Variants in SNCB observed in about 807,000 individuals in gnomAD.
SNCB encodes synuclein beta.
In SNCB, 8 loss-of-function variants were observed where a neutral mutation model predicts 20.0. The ratio of observed to expected loss-of-function variants is 0.40; its 90% CI spans 0.24 to 0.72. SNCB has a LOEUF of 0.72. Among genes scored for constraint, SNCB ranks in the 30% least tolerant of loss-of-function variants. SNCB has a pLI of 0.37. For missense variants in SNCB, 125 were observed against 168.0 expected (o/e 0.74, Z 1.41); for synonymous variants, 56 against 65.4 (o/e 0.86, Z 0.69).
intron 4 of SNCB, among the ~76,000 whole-genome samples, chr5:176,623,873 G>GGTA (rs1241395670): frequency 1.3e-5 from 2 of 152,102 alleles, no homozygotes; most frequent in African/African-American, 2.4e-5. Context: ...CTGGCCACCT[G>GGTA]GTAGCTACCT....
At position 176,626,876 on chromosome 5, in the gene SNCB, C is replaced by T; in HGVS notation, c.122-115G>A. 3 of 1,064,916 alleles carry T rather than the reference C, an allele frequency of 2.8e-6. No homozygotes were observed. Among genetic ancestry groups the T allele is most frequent in the Non-Finnish European group, 4.4e-6 (3 of 686,280 alleles). 66.0% of individuals were successfully genotyped at this position (1,064,916 alleles called of 1,614,324 possible). A position where few individuals can be genotyped will look rare whatever the true frequency, so the allele number is the denominator to read the frequency against. On this transcript the variant is annotated intron_variant, in intron 2 of 5. Coordinates refer to ENST00000393693, the MANE Select transcript of SNCB (RefSeq NM_003085.5). The surrounding 1 kb of genome is among the most constrained non-coding windows in gnomAD (Gnocchi z 4.2). ...TGGCCCCGTCACTGCCTCCTTGGGT[C>T]CCCACATCCTACAACCTGCACCCCC... is the stretch of plus-strand genomic sequence containing the variant.
Position 176,626,845 on chromosome 5 carries a change from G to T in SNCB, c.122-84C>A. On this transcript the variant is annotated intron_variant, in intron 2 of 5. Transcript: ENST00000393693. The surrounding 1 kb of genome is among the most constrained non-coding windows in gnomAD (Gnocchi z 4.2). The stretch of plus-strand genomic sequence containing the variant: ...GCACAGCATGGTGATTACAGAGTGG[G>T]CATCCTGGCCCCGTCACTGCCTCCT... 1 of 1,468,288 alleles carries T rather than the reference G, an allele frequency of 6.8e-7. No homozygotes were observed. Among genetic ancestry groups the T allele is most frequent in the Non-Finnish European group, 9.5e-7 (1 of 1,048,134 alleles). The allele number at this position is 1,468,288 out of a possible 1,614,324, so 91.0% of individuals were successfully genotyped here.
At position 176,626,335 on chromosome 5, in the gene SNCB, GGTGTGTGT is replaced by G. The variant is rs5873543; in HGVS notation, c.282+55_282+62del. On this transcript the variant is annotated intron_variant, in intron 4 of 5. Coordinates refer to ENST00000393693, the MANE Select transcript of SNCB (RefSeq NM_003085.5). This position sits in a 1 kb window ranked among gnomAD's most constrained non-coding sequence, Gnocchi z 4.2. ...TGGTGACAGGTTTATTTGTGTGCCT[GGTGTGTGT>G]GTGTGTGTGTGTGTGTGTGTTTGCC... 424 of 861,488 alleles carry G rather than the reference GGTGTGTGT, an allele frequency of 4.9e-4. No homozygotes were observed. Among genetic ancestry groups the G allele is most frequent in the South Asian group, 9.3e-4 (70 of 75,364 alleles). 53.4% of individuals were successfully genotyped at this position (861,488 alleles called of 1,614,324 possible).
At chr5:176,625,472 C>A (rs183611615) in intron 4 of SNCB, among the ~76,000 whole-genome samples, 1 of 152,180 alleles carries the variant, frequency 6.6e-6, no homozygotes, top group South Asian at 2.1e-4. Flanking sequence ...TGTGTTCACT[C>A]GCATTTTACA....
intron 4 of SNCB, among the ~76,000 whole-genome samples, chr5:176,625,756 G>A (rs1366999112): frequency 1.3e-5 from 2 of 152,136 alleles, no homozygotes; most frequent in African/African-American, 2.4e-5. Context: ...CAGGGCCTTG[G>A]TACTTGCTGT....
chr5:176,626,671 A>T lies in SNCB; in HGVS notation c.163+49T>A, dbSNP rs1170789298. 1 of 1,606,958 alleles carries T rather than the reference A, an allele frequency of 6.2e-7. No homozygotes were observed. Among genetic ancestry groups the T allele is most frequent in the African/African-American group, 1.3e-5 (1 of 74,562 alleles). ...CCCCCGCCCTCTGGTTCCCGGCCAG[A>T]TCATCCGCCTAAGTGAGAGAAGGGC... On this transcript the variant is annotated intron_variant, in intron 3 of 5. Transcript: ENST00000393693. This position sits in a 1 kb window ranked among gnomAD's most constrained non-coding sequence, Gnocchi z 4.2.
At chr5:176,624,757 G>A (rs1433720588) in intron 4 of SNCB, among the ~76,000 whole-genome samples, 4 of 145,604 alleles carry the variant, frequency 2.7e-5, no homozygotes, top group Non-Finnish European at 5.9e-5. Flanking sequence ...AGCCAAGATC[G>A]TGCCATTGCA....
rs1238915988 is a variant in SNCB, at chr5:176,621,215, T to G, written c.371A>C (p.Gln124Pro). 2 of 1,611,144 alleles carry G rather than the reference T, an allele frequency of 1.2e-6. No individual in the cohort carries two copies. The highest frequency in any genetic ancestry group is 2.7e-5 in the African/African-American group (2 of 74,876). ...PEGESYEDPP[Q>P]EEYQEYEPEA ...CGCCCAGCCCTGCTGCCCCCTCACC[T>G]GGGGTGGGTCCTCATAACTCTCCCC... The change falls in exon 5 of 6, where the codon CAG (glutamine) becomes CCG (proline). Residue 124 changes from glutamine to proline, a missense_variant and splice_region_variant. Transcript: ENST00000393693. This position sits in a 1 kb window ranked among gnomAD's most constrained non-coding sequence, Gnocchi z 4.1.
At position 176,620,943 on chromosome 5, in the gene SNCB, G is replaced by T. The variant is rs1263523111; in HGVS notation, c.373-100C>A. 1 of 1,042,954 alleles carries T rather than the reference G, an allele frequency of 9.6e-7. No individual in the cohort carries two copies. Among genetic ancestry groups the T allele is most frequent in the African/African-American group, 1.6e-5 (1 of 63,762 alleles). 64.6% of individuals were successfully genotyped at this position (1,042,954 alleles called of 1,614,324 possible). ...CGGCCCAAGAACCCTCTCCCTGAAG[G>T]AGGAATAGCACATTCCCCTTTTCCT... On this transcript the variant is annotated intron_variant, in intron 5 of 5. Transcript: ENST00000393693. The surrounding 1 kb of genome is among the most constrained non-coding windows in gnomAD (Gnocchi z 4.5).
intron 2 of SNCB, among the ~76,000 whole-genome samples, chr5:176,628,356 G>A (rs6869709): frequency 0.014 from 2,078 of 152,206 alleles, 64 homozygotes; most frequent in African/African-American, 0.047. Context: ...CCTTCTCCCG[G>A]TCTCCATTGC....
At chr5:176,624,802 C>CAAAAAAAAAAAAAAAAAAAAAAAAAAAA (rs1282224621) in intron 4 of SNCB, among the ~76,000 whole-genome samples, 1 of 50,932 alleles carries the variant, frequency 2.0e-5, no homozygotes, top group Non-Finnish European at 4.5e-5. Context: ...AACTCCGTCT[C>CAAAAAAAAAAAAAAAAAAAAAAAAAAAA]AAAAAAAAAA....
chr5:176,623,988 A>G (rs1759774152), intron 4 of SNCB, among the ~76,000 whole-genome samples: 1 of 152,224 alleles, frequency 6.6e-6, no homozygotes, highest in Non-Finnish European at 1.5e-5. Flanking sequence ...CGAAGCAGAG[A>G]GTCTCAGAAA....
Position 176,620,977 on chromosome 5 carries a change from G to A in SNCB, c.373-134C>T, listed in dbSNP as rs1759549660. On this transcript the variant is annotated intron_variant, in intron 5 of 5. Coordinates refer to ENST00000393693, the MANE Select transcript of SNCB (RefSeq NM_003085.5). The surrounding 1 kb of genome is among the most constrained non-coding windows in gnomAD (Gnocchi z 4.5). ...CACATTCCCCTTTTCCTGGGCAGGG[G>A]AGGAGCCTGGAAGTTGGGGACAACA... 2.3e-6 allele frequency: 2 copies of A among 860,718 alleles called. No homozygotes were observed. The highest frequency in any genetic ancestry group is 2.8e-5 in the South Asian group (2 of 70,578). 53.3% of individuals were successfully genotyped at this position (860,718 alleles called of 1,614,324 possible).
At chr5:176,622,690 G>A (rs1185936422) in intron 4 of SNCB, among the ~76,000 whole-genome samples, 1 of 150,830 alleles carries the variant, frequency 6.6e-6, no homozygotes, top group Non-Finnish European at 1.5e-5. Flanking sequence ...GATGAATGGA[G>A]GAAGCCAGAT....
Position 176,629,370 on chromosome 5 carries a change from G to A in SNCB, c.121+164C>T, listed in dbSNP as rs1760184414. On this transcript the variant is annotated intron_variant, in intron 2 of 5. Transcript: ENST00000393693. The surrounding 1 kb of genome is among the most constrained non-coding windows in gnomAD (Gnocchi z 4.1). ...TCCCCATTTCCGGATACAGACCCAGGCTTCTATGGGCTGGCTATGTCCCCT... is the reference window on the plus strand; with the variant it reads ...TCCCCATTTCCGGATACAGACCCAGACTTCTATGGGCTGGCTATGTCCCCT... 1 of 722,348 alleles carries A rather than the reference G, an allele frequency of 1.4e-6. No homozygotes were observed. Among genetic ancestry groups the A allele is most frequent in the East Asian group, 2.8e-5 (1 of 36,340 alleles). The allele number at this position is 722,348 out of a possible 1,614,324, so 44.7% of individuals were successfully genotyped here.
At chr5:176,627,236 G>A (rs1371468643) in intron 2 of SNCB, among the ~76,000 whole-genome samples, 4 of 152,232 alleles carry the variant, frequency 2.6e-5, no homozygotes, top group African/African-American at 9.6e-5. Flanking sequence ...GAGGCAGGTG[G>A]GGGTGGGAGT....
chr5:176,624,051 T>G (rs1165176931), intron 4 of SNCB, among the ~76,000 whole-genome samples: 1 of 152,228 alleles, frequency 6.6e-6, no homozygotes, highest in Admixed American at 6.5e-5. Flanking sequence ...CCCAAGGGGC[T>G]GTTGTCTGTG....
chr5:176,623,610 G>C (rs1581168785), intron 4 of SNCB, among the ~76,000 whole-genome samples: 1 of 152,276 alleles, frequency 6.6e-6, no homozygotes, highest in South Asian at 2.1e-4. Flanking sequence ...GTGGGGTCCT[G>C]GGGGGTAGTG....
chr5:176,629,794 T>G lies in SNCB; in HGVS notation c.-9-131A>C. The G allele has an allele frequency of 7.7e-7, 1 of 1,295,096 alleles. No homozygotes were observed. Among genetic ancestry groups the G allele is most frequent in the Non-Finnish European group, 1.0e-6 (1 of 962,542 alleles). The allele number at this position is 1,295,096 out of a possible 1,614,324, so 80.2% of individuals were successfully genotyped here. A position where few individuals can be genotyped will look rare whatever the true frequency, so the allele number is the denominator to read the frequency against. ...TCTGGACCCTGAGCCCCCTCCCGCT[T>G]TCCCCCCATCCCACCCCACTCCCCA... On this transcript the variant is annotated intron_variant, in intron 1 of 5. Coordinates refer to ENST00000393693, the MANE Select transcript of SNCB (RefSeq NM_003085.5). This position sits in a 1 kb window ranked among gnomAD's most constrained non-coding sequence, Gnocchi z 4.1.
Sources: allele counts gnomAD v4.1 joint callset (sites outside exome capture counted in the v4.1 genomes callset), GRCh38; gene constraint gnomAD v4.1.1; non-coding constraint Gnocchi (gnomAD v3.1); transcripts MANE v1.5; gene names NCBI Gene and HGNC (gene_info 2026-07-23, HGNC 2026-07-21).